The following SBF2 variants were observed in gnomAD, a reference collection of about 807,000 sequenced individuals.
The protein encoded by SBF2 is myotubularin-related protein 13.
In SBF2, 112 loss-of-function variants were observed where a neutral mutation model predicts 225.2. That is an observed-to-expected ratio of 0.50 (90% CI 0.43 to 0.58). The LOEUF (loss-of-function observed/expected upper bound fraction) is 0.58, where lower values mean the gene tolerates loss of function less well. Among genes scored for constraint, SBF2 ranks in the 20% least tolerant of loss-of-function variants. The pLI, the probability that SBF2 is intolerant of heterozygous loss-of-function variation, is 0.00. For synonymous variants in SBF2, 763 were observed against 773.3 expected (o/e 0.99, Z 0.22); for missense variants, 1,996 against 2,206.2 (o/e 0.90, Z 1.91).
intron 16 of SBF2, among the ~76,000 whole-genome samples, chr11:9,903,174 T>A (rs1861861586): frequency 1.3e-5 from 2 of 151,798 alleles, no homozygotes. Flanking sequence ...TACAAAAAAT[T>A]AGCCAGGTGT....
At chr11:9,971,681 G>A (rs374885354) in intron 13 of SBF2, among the ~76,000 whole-genome samples, 22 of 151,940 alleles carry the variant, frequency 1.4e-4, no homozygotes, top group East Asian at 5.8e-4. Context: ...CTTGTCTCAA[G>A]AAAGGAAAAA....
chr11:10,085,577 T>C (rs2134887159), intron 2 of SBF2, among the ~76,000 whole-genome samples: 1 of 152,346 alleles, frequency 6.6e-6, no homozygotes, highest in Non-Finnish European at 1.5e-5. Flanking sequence ...TTCATCTGCA[T>C]TTGTCTTTTT....
chr11:9,819,705 T>C (rs1460506312), intron 28 of SBF2, among the ~76,000 whole-genome samples: 1 of 152,206 alleles, frequency 6.6e-6, no homozygotes, highest in Admixed American at 6.6e-5. Context: ...GTCCTCATAT[T>C]GAAGGAGAAT....
chr11:10,171,898 T>C (rs1207613191), intron 2 of SBF2, among the ~76,000 whole-genome samples: 1 of 152,186 alleles, frequency 6.6e-6, no homozygotes, highest in Non-Finnish European at 1.5e-5. Flanking sequence ...TGGGAATTTA[T>C]CCATTTCTTC....
intron 8 of SBF2, among the ~76,000 whole-genome samples, chr11:10,000,507 C>T (rs961977177): frequency 2.0e-5 from 3 of 152,090 alleles, no homozygotes; most frequent in Non-Finnish European, 2.9e-5. Flanking sequence ...ACTTCTGTTC[C>T]ACTAAAACTC....
chr11:9,928,173 T>C (rs1291295522), intron 16 of SBF2, among the ~76,000 whole-genome samples: 2 of 152,182 alleles, frequency 1.3e-5, no homozygotes, highest in East Asian at 1.9e-4. Flanking sequence ...AATAAAAATA[T>C]AAGACAATAT....
At chr11:9,862,488 A>T (rs1857838148) in intron 17 of SBF2, among the ~76,000 whole-genome samples, 1 of 152,258 alleles carries the variant, frequency 6.6e-6, no homozygotes, top group Admixed American at 6.5e-5. Context: ...TCAGGGTCAT[A>T]TGGTAAGATG....
At chr11:10,185,565 C>A (rs1290710300) in intron 2 of SBF2, among the ~76,000 whole-genome samples, 1 of 151,952 alleles carries the variant, frequency 6.6e-6, no homozygotes, top group Non-Finnish European at 1.5e-5. Context: ...GGTGACCCTT[C>A]CATCTCAGCC....
intron 2 of SBF2, among the ~76,000 whole-genome samples, chr11:10,169,862 T>C (rs1399254222): frequency 2.0e-5 from 3 of 152,210 alleles, no homozygotes; most frequent in African/African-American, 7.2e-5. Flanking sequence ...GTCTTTTGGA[T>C]ATAAGCCATT....
chr11:9,834,069 C>G (rs902386280), intron 26 of SBF2, among the ~76,000 whole-genome samples: 1 of 150,230 alleles, frequency 6.7e-6, no homozygotes, highest in Non-Finnish European at 1.5e-5. Context: ...GCGCCCGGCC[C>G]ATGGTATCTT....
At chr11:9,977,116 C>T (rs776096492) in intron 13 of SBF2, among the ~76,000 whole-genome samples, 1 of 152,088 alleles carries the variant, frequency 6.6e-6, no homozygotes, top group Non-Finnish European at 1.5e-5. Context: ...CTTGGCCTAT[C>T]TTTTTGTCTT....
At chr11:10,044,821 C>G (rs1028412616) in intron 2 of SBF2, among the ~76,000 whole-genome samples, 3 of 152,228 alleles carry the variant, frequency 2.0e-5, no homozygotes, top group Non-Finnish European at 4.4e-5. Flanking sequence ...TGCATCTACC[C>G]TATTTGTTCA....
At chr11:9,784,566 A>G (rs930983769) in intron 37 of SBF2, 128 bp from the exon 38 acceptor site, 6 of 747,510 alleles carry the variant, frequency 8.0e-6, no homozygotes, top group Admixed American at 4.3e-5. Context: ...GGCCTATAAG[A>G]GTTCTCCCTG....
At chr11:9,811,493 A>AT (rs1854181393) in intron 30 of SBF2, among the ~76,000 whole-genome samples, 1 of 152,178 alleles carries the variant, frequency 6.6e-6, no homozygotes, top group African/African-American at 2.4e-5. Context: ...AGAAACATGG[A>AT]TAGATAAGTT....
At chr11:10,004,293 A>C (rs1948093826) in intron 6 of SBF2, among the ~76,000 whole-genome samples, 1 of 152,182 alleles carries the variant, frequency 6.6e-6, no homozygotes, top group Admixed American at 6.5e-5. Flanking sequence ...TTTGCAAAAA[A>C]TATTCTTTTG....
chr11:9,938,452 G>C (rs1266330860), intron 16 of SBF2, among the ~76,000 whole-genome samples: 3 of 147,428 alleles, frequency 2.0e-5, no homozygotes, highest in African/African-American at 7.5e-5. Context: ...CAATGCCCAG[G>C]AATGGCTTAA....
upstream of SBF2, among the ~76,000 whole-genome samples, chr11:10,297,612 T>A (rs2133651379): frequency 6.6e-6 from 1 of 152,348 alleles, no homozygotes; most frequent in Admixed American, 6.5e-5. Context: ...CATTTGCAAG[T>A]ACTCATTTAA....
intron 23 of SBF2, among the ~76,000 whole-genome samples, 166 bp from the exon 24 acceptor site, chr11:9,845,906 A>G (rs929116542): frequency 3.0e-4 from 46 of 152,240 alleles, no homozygotes; most frequent in Non-Finnish European, 5.9e-4. Context: ...AAAAGGCTCA[A>G]AAAGGTTTAC....
At chr11:9,784,851 A>T (rs759443452) in intron 37 of SBF2, 1 of 533,780 alleles carries the variant, frequency 1.9e-6, no homozygotes. Context: ...GTGCTGGCTG[A>T]CACATGTTCC....
Sources: allele counts gnomAD v4.1 joint callset (sites outside exome capture counted in the v4.1 genomes callset), GRCh38; gene constraint gnomAD v4.1.1; transcripts MANE v1.5; gene names NCBI Gene and HGNC (gene_info 2026-07-23, HGNC 2026-07-21).